CACHD1: variants seen among roughly 807,000 people sequenced by gnomAD.
CACHD1 encodes the protein VWFA and cache domain-containing protein 1.
In CACHD1, 71 loss-of-function variants were observed where a neutral mutation model predicts 138.7. The ratio of observed to expected loss-of-function variants is 0.51; its 90% CI spans 0.42 to 0.62. CACHD1 has a LOEUF of 0.62. Among genes scored for constraint, CACHD1 ranks in the 20% least tolerant of loss-of-function variants. The pLI, the probability that CACHD1 is intolerant of heterozygous loss-of-function variation, is 0.00. For synonymous variants in CACHD1, 578 were observed against 591.5 expected (o/e 0.98, Z 0.33); for missense variants, 1,389 against 1,625.3 (o/e 0.85, Z 2.50).
chr1:64,582,068 G>A, intron 2 of CACHD1, 88 bp from the exon 3 acceptor site: 1 of 1,407,064 alleles, frequency 7.1e-7, no homozygotes, highest in African/African-American at 1.4e-5. Context: ...TATGCAGCTT[G>A]TGACACAGAT....
chr1:64,634,576 G>T (rs530882762), intron 7 of CACHD1, among the ~76,000 whole-genome samples: 2 of 152,030 alleles, frequency 1.3e-5, no homozygotes, highest in African/African-American at 2.4e-5. Flanking sequence ...TAAAGAAAGG[G>T]TTTCACTGGC....
intron 4 of CACHD1, among the ~76,000 whole-genome samples, chr1:64,606,461 T>C (rs1184174316): frequency 6.6e-6 from 1 of 151,860 alleles, no homozygotes; most frequent in African/African-American, 2.4e-5. Flanking sequence ...GAGCTGGGAG[T>C]AGATTAGGCC....
At chr1:64,638,061 T>C (rs1648582597) in intron 7 of CACHD1, among the ~76,000 whole-genome samples, 1 of 152,180 alleles carries the variant, frequency 6.6e-6, no homozygotes, top group Non-Finnish European at 1.5e-5. Flanking sequence ...ATTATTATGA[T>C]ATTCAGTTTC....
chr1:64,560,718 G>T (rs1351946683), intron 2 of CACHD1, among the ~76,000 whole-genome samples: 2 of 151,688 alleles, frequency 1.3e-5, no homozygotes, highest in Non-Finnish European at 2.9e-5. Flanking sequence ...TGATAATGTT[G>T]TTCACATCAT....
chr1:64,652,304 G>A lies in CACHD1; in HGVS notation c.1534G>A (p.Asp512Asn), dbSNP rs760671656. Residue 512 changes from aspartate (D) to asparagine (N), a missense_variant, in exon 10 of 27, where the codon GAC (aspartate) becomes AAC (asparagine). Physicochemically the swap from Asp to Asn is conservative, Grantham distance 23. Around this residue, in one of 5 missense-constraint regions of CACHD1, gnomAD observed 1,000 missense variants for 1,114.7 expected, o/e 0.90. Transcript: ENST00000651257. Reference protein sequence around the residue: ...SLASYTFLIDDKGYTLMHPSL... With the variant: ...SLASYTFLIDNKGYTLMHPSL... ...GGCTTCCTATACTTTTCTCATAGAC[G>A]ACAAAGGTAATCTGCTAAATGTTCA... 1.4e-5 allele frequency: 23 copies of A among 1,604,422 alleles called. No individual in the cohort carries two copies. The highest frequency in any genetic ancestry group is 1.2e-4 in the Admixed American group (7 of 57,664).
At chr1:64,536,866 A>G (rs1370099845) in intron 1 of CACHD1, among the ~76,000 whole-genome samples, 2 of 152,172 alleles carry the variant, frequency 1.3e-5, no homozygotes, top group East Asian at 3.8e-4. Flanking sequence ...AGCAAACCTA[A>G]TAGGTGGCTA....
chr1:64,470,770 A>C lies in CACHD1; in HGVS notation c.26A>C (p.Glu9Ala). MARQPEEE[E>A]TAVARARRPP... Reference sequence around the variant, plus strand: ...ATGGCCCGCCAGCCGGAGGAAGAGGAGACGGCCGTGGCCCGGGCGCGGCGG... The same window carrying C: ...ATGGCCCGCCAGCCGGAGGAAGAGGCGACGGCCGTGGCCCGGGCGCGGCGG... The change falls in exon 1 of 27, where the codon GAG becomes GCG. Residue 9 changes from glutamate to alanine, a missense_variant. Physicochemically the swap from Glu to Ala is moderately radical, Grantham distance 107 (BLOSUM62 -1). Around this residue, in one of 5 missense-constraint regions of CACHD1, gnomAD observed 1,000 missense variants for 1,114.7 expected, o/e 0.90. Transcript: ENST00000651257. The surrounding 1 kb of genome is among the most constrained non-coding windows in gnomAD (Gnocchi z 5.2). 1.2e-6 allele frequency: 1 copy of C among 849,212 alleles called. No homozygotes were observed. The highest frequency in any genetic ancestry group is 1.8e-6 in the Non-Finnish European group (1 of 553,292). The allele number at this position is 849,212 out of a possible 1,614,324, so 52.6% of individuals were successfully genotyped here.
chr1:64,658,191 G>C (rs373316041), intron 12 of CACHD1, among the ~76,000 whole-genome samples: 1 of 152,208 alleles, frequency 6.6e-6, no homozygotes. Flanking sequence ...AGAAGAGAAA[G>C]CATTCGTTGG....
rs1239713812 is a variant in CACHD1, at chr1:64,632,691, T to C, written c.737T>C (p.Ile246Thr). ...TCAGTCACAGACACTCAGCTTCAGA[T>C]TGCCAAGGACGCTGCTCAGGTCATC... ...GASVTDTQLQIAKDAAQVILS... is the reference protein window; with the variant it reads ...GASVTDTQLQTAKDAAQVILS... The change falls in exon 6 of 27, where the codon ATT becomes ACT. Residue 246 changes from isoleucine (I) to threonine (T), a missense_variant. Ile to Thr is a moderately conservative substitution (Grantham distance 89). Coordinates refer to ENST00000651257, the MANE Select transcript of CACHD1 (RefSeq NM_020925.4). 6.2e-7 allele frequency: 1 copy of C among 1,614,144 alleles called. No homozygotes were observed. Among genetic ancestry groups the C allele is most frequent in the South Asian group, 1.1e-5 (1 of 91,084 alleles).
At chr1:64,623,109 A>C (rs1647974620) in intron 4 of CACHD1, among the ~76,000 whole-genome samples, 1 of 152,188 alleles carries the variant, frequency 6.6e-6, no homozygotes, top group Admixed American at 6.5e-5. Flanking sequence ...TTTAAATTAA[A>C]TTTGGCAGTA....
intron 16 of CACHD1, among the ~76,000 whole-genome samples, chr1:64,669,137 G>T (rs1329796714): frequency 6.6e-6 from 1 of 152,022 alleles, no homozygotes; most frequent in East Asian, 1.9e-4. Flanking sequence ...ATCTGGTAAG[G>T]GCTCAATAAA....
rs1442131857 is a variant in CACHD1 at position 64,692,576 on chromosome 1, A to T, written c.*1015A>T. On this transcript the variant is annotated 3_prime_UTR_variant, in exon 27 of 27. Transcript: ENST00000651257. Reference sequence around the variant, plus strand: ...TTTTAAATATCCCATTTTGACTGAGAATATTGACATATAAGGGAAGAAGTT... The same window carrying T: ...TTTTAAATATCCCATTTTGACTGAGTATATTGACATATAAGGGAAGAAGTT... The T allele has an allele frequency of 2.6e-5, 4 of 152,222 alleles. No homozygotes were observed. The highest frequency in any genetic ancestry group is 4.4e-5 in the Non-Finnish European group (3 of 68,048). 9.4% of individuals were successfully genotyped at this position (152,222 alleles called of 1,614,324 possible).
intron 26 of CACHD1, among the ~76,000 whole-genome samples, chr1:64,685,539 A>C (rs1650339421): frequency 6.6e-6 from 1 of 152,124 alleles, no homozygotes; most frequent in African/African-American, 2.4e-5. Context: ...TTCACTTTGA[A>C]GCCTACTTCT....
chr1:64,572,845 G>A (rs1646936887), intron 2 of CACHD1, among the ~76,000 whole-genome samples: 1 of 152,090 alleles, frequency 6.6e-6, no homozygotes, highest in South Asian at 2.1e-4. Context: ...CTGTTGGATG[G>A]GCTATTCCCT....
At chr1:64,639,881 A>G (rs1481750221) in intron 7 of CACHD1, among the ~76,000 whole-genome samples, 1 of 152,246 alleles carries the variant, frequency 6.6e-6, no homozygotes, top group African/African-American at 2.4e-5. Flanking sequence ...CTCTGGCCCA[A>G]CGAGTTTCTT....
chr1:64,492,646 G>A lies in CACHD1; in HGVS notation c.198+21704G>A, dbSNP rs1440607247. ...CCCAGCAGCGCTGTGCGGTTACTCC[G>A]CTGATCGTTAGAGTTAACGTCAGTG... On this transcript the variant is annotated intron_variant, in intron 1 of 26. Coordinates refer to ENST00000651257, the MANE Select transcript of CACHD1 (RefSeq NM_020925.4). Among the ~76,000 whole-genome samples the A allele has an allele frequency of 3.3e-5, 5 of 151,930 alleles. No homozygotes were observed. In the South Asian group the frequency reaches 1.0e-3, roughly 32 times the overall value.
intron 4 of CACHD1, among the ~76,000 whole-genome samples, chr1:64,613,955 G>A (rs190266801): frequency 2.2e-4 from 34 of 152,236 alleles, no homozygotes; most frequent in Middle Eastern, 3.4e-3. Flanking sequence ...TTTTCCTGTA[G>A]GTACCACAAA....
intron 3 of CACHD1, among the ~76,000 whole-genome samples, chr1:64,587,116 C>T (rs1365437461): frequency 6.6e-6 from 1 of 152,212 alleles, no homozygotes; most frequent in Non-Finnish European, 1.5e-5. Context: ...AAACTCAGCA[C>T]TGACCCAGTG....
At chr1:64,592,175 A>G (rs573432297) in intron 3 of CACHD1, among the ~76,000 whole-genome samples, 1 of 152,348 alleles carries the variant, frequency 6.6e-6, no homozygotes, top group South Asian at 2.1e-4. Context: ...ATATTGATTT[A>G]GTTATCTCAG....
Sources: allele counts gnomAD v4.1 joint callset (sites outside exome capture counted in the v4.1 genomes callset), GRCh38; gene constraint gnomAD v4.1.1; regional missense constraint gnomAD v4.1.1; non-coding constraint Gnocchi (gnomAD v3.1); transcripts MANE v1.5; gene names NCBI Gene and HGNC (gene_info 2026-07-23, HGNC 2026-07-21).